The following HS6ST3 variants were observed in gnomAD, a reference collection of about 807,000 sequenced individuals.
The protein encoded by HS6ST3 is heparan sulfate 6-O-sulfotransferase 3.
A neutral mutation model predicts 36.7 loss-of-function variants in HS6ST3; 12 were observed. The ratio of observed to expected loss-of-function variants is 0.33; its 90% confidence interval spans 0.21 to 0.53. HS6ST3 has a LOEUF of 0.53. Ranked by LOEUF, HS6ST3 falls within the 20% of genes least tolerant of loss-of-function variation. HS6ST3 has a pLI of 0.95. For missense variants in HS6ST3, 584 were observed against 640.9 expected (o/e 0.91, Z 0.96); for synonymous variants, 240 against 257.5 (o/e 0.93, Z 0.65).
intron 1 of HS6ST3, among the ~76,000 whole-genome samples, chr13:96,316,100 T>C (rs909483492): frequency 6.6e-6 from 1 of 152,214 alleles, no homozygotes; most frequent in African/African-American, 2.4e-5. Context: ...TTTGTTTTCA[T>C]AAACCAGTAC....
At chr13:96,293,564 C>A (rs2054840503) in intron 1 of HS6ST3, among the ~76,000 whole-genome samples, 1 of 152,054 alleles carries the variant, frequency 6.6e-6, no homozygotes, top group South Asian at 2.1e-4. Context: ...ATACACTCCC[C>A]CCTCATGTTT....
At chr13:96,208,308 T>C (rs992023822) in intron 1 of HS6ST3, among the ~76,000 whole-genome samples, 3 of 152,174 alleles carry the variant, frequency 2.0e-5, no homozygotes, top group Non-Finnish European at 2.9e-5. Context: ...TATGTATATG[T>C]CACACCTTCT....
At chr13:96,364,894 T>C (rs1242614376) in intron 1 of HS6ST3, among the ~76,000 whole-genome samples, 4 of 152,176 alleles carry the variant, frequency 2.6e-5, no homozygotes, top group Non-Finnish European at 4.4e-5. Context: ...CAGACCTTCA[T>C]CTGAAAGATG....
At chr13:96,432,885 C>T (rs972069247) in intron 1 of HS6ST3, among the ~76,000 whole-genome samples, 14 of 152,238 alleles carry the variant, frequency 9.2e-5, no homozygotes, top group African/African-American at 3.4e-4. Context: ...ACCATAAAGA[C>T]AATTACTGGC....
chr13:96,179,196 C>T (rs2054227096), intron 1 of HS6ST3, among the ~76,000 whole-genome samples: 1 of 151,964 alleles, frequency 6.6e-6, no homozygotes, highest in South Asian at 2.1e-4. Context: ...GGCCAAGGTA[C>T]CTTCAAAAAA....
At chr13:96,344,460 C>T (rs942535011) in intron 1 of HS6ST3, among the ~76,000 whole-genome samples, 14 of 152,262 alleles carry the variant, frequency 9.2e-5, no homozygotes, top group African/African-American at 2.4e-4. Context: ...ATGGTCAAAA[C>T]GCCAAACTTA....
intron 1 of HS6ST3, among the ~76,000 whole-genome samples, chr13:96,346,875 C>G (rs959172663): frequency 4.6e-5 from 7 of 152,052 alleles, no homozygotes; most frequent in African/African-American, 1.7e-4. Context: ...GATTAGGTTA[C>G]AAGAAATCAT....
intron 1 of HS6ST3, among the ~76,000 whole-genome samples, chr13:96,254,448 AATATATAT>A (rs869064004): frequency 0.021 from 338 of 16,384 alleles, 4 homozygotes; most frequent in African/African-American, 0.025. Context: ...AAAAAAAAAA[AATATATAT>A]ATATATATAT....
At chr13:96,468,295 T>C (rs2055824049) in intron 1 of HS6ST3, among the ~76,000 whole-genome samples, 1 of 152,192 alleles carries the variant, frequency 6.6e-6, no homozygotes, top group African/African-American at 2.4e-5. Flanking sequence ...GGGCATTTTT[T>C]CCTCATAACT....
intron 1 of HS6ST3, among the ~76,000 whole-genome samples, chr13:96,221,836 A>G (rs2054457127): frequency 6.6e-6 from 1 of 152,238 alleles, no homozygotes; most frequent in South Asian, 2.1e-4. Context: ...GATATAAAAT[A>G]AGACATAGCC....
chr13:96,637,731 T>C (rs2056554708), intron 1 of HS6ST3, among the ~76,000 whole-genome samples: 1 of 152,010 alleles, frequency 6.6e-6, no homozygotes, highest in Admixed American at 6.6e-5. Flanking sequence ...GGAAAGAGAG[T>C]AAACAAATAA....
At chr13:96,579,745 T>G (rs920051078) in intron 1 of HS6ST3, among the ~76,000 whole-genome samples, 1 of 152,202 alleles carries the variant, frequency 6.6e-6, no homozygotes, top group African/African-American at 2.4e-5. Flanking sequence ...GCCCTTTCTC[T>G]GCCATAGACA....
intron 1 of HS6ST3, among the ~76,000 whole-genome samples, chr13:96,669,106 A>C (rs1037114419): frequency 6.6e-6 from 1 of 152,172 alleles, no homozygotes; most frequent in Non-Finnish European, 1.5e-5. Flanking sequence ...ACCTAAAAGG[A>C]AACTTGAAGG....
intron 1 of HS6ST3, among the ~76,000 whole-genome samples, chr13:96,348,399 G>A (rs1351125975): frequency 1.3e-5 from 2 of 152,194 alleles, no homozygotes; most frequent in Non-Finnish European, 2.9e-5. Context: ...TATTTAGAGG[G>A]TCTGAGGGAA....
At chr13:96,584,799 C>T (rs1017708171) in intron 1 of HS6ST3, among the ~76,000 whole-genome samples, 16 of 152,148 alleles carry the variant, frequency 1.1e-4, no homozygotes, top group African/African-American at 3.9e-4. Context: ...TGATACAGTG[C>T]ATGGGACAGT....
intron 1 of HS6ST3, among the ~76,000 whole-genome samples, chr13:96,536,636 C>G (rs1362289589): frequency 1.3e-5 from 2 of 152,110 alleles, no homozygotes; most frequent in Non-Finnish European, 2.9e-5. Flanking sequence ...GTGATACTGG[C>G]TTTAGTTGGC....
At chr13:96,627,117 C>A (rs1378278501) in intron 1 of HS6ST3, among the ~76,000 whole-genome samples, 7 of 152,000 alleles carry the variant, frequency 4.6e-5, no homozygotes, top group African/African-American at 1.7e-4. Flanking sequence ...CTGTTCTGAC[C>A]TTCAAGTTAA....
At chr13:96,786,271 C>G (rs1306233835) in intron 1 of HS6ST3, among the ~76,000 whole-genome samples, 2 of 152,076 alleles carry the variant, frequency 1.3e-5, no homozygotes, top group African/African-American at 4.8e-5. Flanking sequence ...CTAACTAAAG[C>G]AGCACCTACC....
chr13:96,201,095 A>C (rs2054339834), intron 1 of HS6ST3, among the ~76,000 whole-genome samples: 1 of 152,164 alleles, frequency 6.6e-6, no homozygotes, highest in African/African-American at 2.4e-5. Context: ...GTGGGTGTGC[A>C]TCCCGCAGAC....
Sources: gnomAD v4.1 joint callset for allele counts (sites outside exome capture counted in the v4.1 genomes callset) on GRCh38, gnomAD v4.1.1 for gene constraint, MANE v1.5 for transcripts, NCBI Gene and HGNC (gene_info 2026-07-23, HGNC 2026-07-21) for gene names.